The following DYNC1I2 variants were observed in gnomAD, a reference collection of about 807,000 sequenced individuals.
DYNC1I2 encodes cytoplasmic dynein 1 intermediate chain 2.
In DYNC1I2, 53 loss-of-function variants were observed where a neutral mutation model predicts 88.6. The observed-to-expected ratio is 0.60, with a 90% CI of 0.48 to 0.75. DYNC1I2 has a LOEUF of 0.75. Ranked by LOEUF, DYNC1I2 falls within the 30% of genes least tolerant of loss-of-function variation. The pLI is 0.00. For synonymous variants in DYNC1I2, 198 were observed against 254.6 expected (o/e 0.78, Z 2.12); for missense variants, 458 against 766.6 (o/e 0.60, Z 4.75).
intron 7 of DYNC1I2, among the ~76,000 whole-genome samples, chr2:171,722,070 G>T (rs1687940514): frequency 2.6e-5 from 4 of 152,150 alleles, no homozygotes; most frequent in Admixed American, 2.6e-4. Flanking sequence ...GTGAGGTACA[G>T]ATGAGAAAAC....
chr2:171,699,107 G>A (rs181989750), intron 3 of DYNC1I2, among the ~76,000 whole-genome samples: 2,777 of 152,282 alleles, frequency 0.018, 37 homozygotes, highest in Non-Finnish European at 0.031. Context: ...AGGAGTTCGA[G>A]ACCAGCCTGG....
intron 1 of DYNC1I2, among the ~76,000 whole-genome samples, chr2:171,688,865 C>T (rs894075414): frequency 6.6e-6 from 1 of 152,044 alleles, no homozygotes; most frequent in African/African-American, 2.4e-5. Flanking sequence ...AGGTTATTCT[C>T]CTAGTTTTCT....
intron 15 of DYNC1I2, among the ~76,000 whole-genome samples, chr2:171,734,928 A>G (rs1445325285): frequency 2.0e-5 from 3 of 152,204 alleles, no homozygotes; most frequent in African/African-American, 7.2e-5. Context: ...ATCTCTCTTT[A>G]AACACCTTGT....
chr2:171,736,516 A>T (rs1289706721), intron 15 of DYNC1I2, among the ~76,000 whole-genome samples: 7 of 152,204 alleles, frequency 4.6e-5, no homozygotes, highest in Admixed American at 4.6e-4. Context: ...GTGAGTAAGG[A>T]GTTGGAACAA....
At chr2:171,737,475 TG>T (rs926220159) in intron 15 of DYNC1I2, among the ~76,000 whole-genome samples, 5 of 152,192 alleles carry the variant, frequency 3.3e-5, no homozygotes, top group Non-Finnish European at 5.9e-5. Context: ...TGGAGCGCAG[TG>T]GGGTGATCTC....
intron 15 of DYNC1I2, among the ~76,000 whole-genome samples, chr2:171,731,768 C>G (rs956531292): frequency 6.6e-6 from 1 of 150,770 alleles, no homozygotes; most frequent in Non-Finnish European, 1.5e-5. Flanking sequence ...GGGTTCTTGT[C>G]TTGTGCTCTG....
At chr2:171,700,421 A>G (rs892045367) in intron 3 of DYNC1I2, among the ~76,000 whole-genome samples, 1 of 152,208 alleles carries the variant, frequency 6.6e-6, no homozygotes, top group African/African-American at 2.4e-5. Flanking sequence ...ATTTACCCAT[A>G]AATCAAAGTC....
intron 7 of DYNC1I2, among the ~76,000 whole-genome samples, chr2:171,716,072 A>G (rs1307524603): frequency 6.6e-6 from 1 of 152,138 alleles, no homozygotes; most frequent in East Asian, 1.9e-4. Flanking sequence ...AAGTACTACG[A>G]TCTCATTTTC....
chr2:171,743,383 A>T, intron 15 of DYNC1I2, among the ~76,000 whole-genome samples: 1 of 152,142 alleles, frequency 6.6e-6, no homozygotes, highest in East Asian at 1.9e-4. Flanking sequence ...CTGCAGTTCA[A>T]ACCTATATGG....
chr2:171,718,965 C>G (rs1047960361), intron 7 of DYNC1I2, among the ~76,000 whole-genome samples: 5 of 152,152 alleles, frequency 3.3e-5, no homozygotes, highest in African/African-American at 1.2e-4. Context: ...ACTGATTCTA[C>G]GATGTGCTTT....
intron 5 of DYNC1I2, among the ~76,000 whole-genome samples, chr2:171,711,898 C>T (rs1348088891): frequency 6.6e-6 from 1 of 152,158 alleles, no homozygotes; most frequent in African/African-American, 2.4e-5. Context: ...GGACTATGAG[C>T]ATTATACAGT....
intron 15 of DYNC1I2, among the ~76,000 whole-genome samples, chr2:171,733,459 C>CTTTTTTTTTTTTTTTTTTTTTTT (rs61079902): frequency 1.3e-4 from 7 of 55,802 alleles, no homozygotes; most frequent in East Asian, 1.4e-3. Context: ...TTGCCAGCAT[C>CTTTTTTTTTTTTTTTTTTTTTTT]TTTTTTTTTT....
At chr2:171,713,481 C>T (rs1574558137) in intron 6 of DYNC1I2, among the ~76,000 whole-genome samples, 1 of 150,534 alleles carries the variant, frequency 6.6e-6, no homozygotes, top group African/African-American at 2.4e-5. Flanking sequence ...CGTTAGAAAA[C>T]TAATGCTTTA....
intron 6 of DYNC1I2, among the ~76,000 whole-genome samples, chr2:171,714,282 A>T: frequency 1.4e-5 from 2 of 145,512 alleles, no homozygotes; most frequent in Non-Finnish European, 3.1e-5. Flanking sequence ...TTTAAAATGT[A>T]CTAATTTTAT....
At chr2:171,726,520 C>A in intron 10 of DYNC1I2, 1 of 544,536 alleles carries the variant, frequency 1.8e-6, no homozygotes, top group Non-Finnish European at 3.1e-6. Flanking sequence ...GCCAGTTTTA[C>A]TAATTTCAGT....
intron 7 of DYNC1I2, among the ~76,000 whole-genome samples, chr2:171,720,451 A>G (rs1392706730): frequency 6.6e-6 from 1 of 152,068 alleles, no homozygotes; most frequent in Non-Finnish European, 1.5e-5. Flanking sequence ...TAATACATCT[A>G]CCTTATCTAA....
chr2:171,746,237 T>C (rs1312805805), intron 17 of DYNC1I2, among the ~76,000 whole-genome samples: 1 of 152,204 alleles, frequency 6.6e-6, no homozygotes, highest in Non-Finnish European at 1.5e-5. Flanking sequence ...TAGGTGGACT[T>C]TGGGGTTTTA....
intron 15 of DYNC1I2, among the ~76,000 whole-genome samples, chr2:171,742,299 G>T (rs1260780505): frequency 6.6e-6 from 1 of 151,838 alleles, no homozygotes; most frequent in Non-Finnish European, 1.5e-5. Flanking sequence ...CAGCCCCCAG[G>T]GTGGCTGAGA....
At chr2:171,734,498 G>T (rs1034177976) in intron 15 of DYNC1I2, among the ~76,000 whole-genome samples, 1 of 152,050 alleles carries the variant, frequency 6.6e-6, no homozygotes, top group Non-Finnish European at 1.5e-5. Context: ...TTCCTTCCTT[G>T]GGCCTTATAT....
Sources: gnomAD v4.1 joint callset for allele counts (sites outside exome capture counted in the v4.1 genomes callset) on GRCh38, gnomAD v4.1.1 for gene constraint, MANE v1.5 for transcripts, NCBI Gene and HGNC (gene_info 2026-07-23, HGNC 2026-07-21) for gene names.